Variants in CYP4F22 observed in about 807,000 individuals in gnomAD.
The protein encoded by CYP4F22 is cytochrome P450 family 4 subfamily F member 22.
CYP4F22 carries 37 observed loss-of-function variants against 60.4 expected under a neutral mutation model. That is an observed-to-expected ratio of 0.61 (90% CI 0.47 to 0.81). The LOEUF (loss-of-function observed/expected upper bound fraction) is 0.81, where lower values mean the gene tolerates loss of function less well. Among genes scored for constraint, CYP4F22 ranks in the 30% least tolerant of loss-of-function variants. The probability of loss-of-function intolerance (pLI) is 0.00; values close to 1 mark genes in which losing one functional copy is unlikely to be tolerated. For synonymous variants in CYP4F22, 258 were observed against 280.5 expected (o/e 0.92, Z 0.80); for missense variants, 655 against 715.0 (o/e 0.92, Z 0.96).
intron 8 of CYP4F22, among the ~76,000 whole-genome samples, chr19:15,541,948 T>G (rs1173749226): frequency 6.6e-6 from 1 of 152,130 alleles, no homozygotes; most frequent in Admixed American, 6.5e-5. Flanking sequence ...TTGGTGTGTC[T>G]GTGGACCTTT....
At chr19:15,539,460 C>T (rs1971434358) in intron 7 of CYP4F22, among the ~76,000 whole-genome samples, 2 of 152,222 alleles carry the variant, frequency 1.3e-5, no homozygotes, top group Non-Finnish European at 2.9e-5. Context: ...ACTGTTTCCA[C>T]TTTTCGACCT....
At chr19:15,513,610 C>T (rs558992345) in intron 1 of CYP4F22, among the ~76,000 whole-genome samples, 13 of 152,058 alleles carry the variant, frequency 8.5e-5, no homozygotes, top group African/African-American at 2.7e-4. Flanking sequence ...GTGATCTGCC[C>T]GCCTCGGCCT....
At chr19:15,524,689 A>AGAAG (rs1468031817) in intron 2 of CYP4F22, among the ~76,000 whole-genome samples, 8 of 151,324 alleles carry the variant, frequency 5.3e-5, no homozygotes, top group Admixed American at 3.3e-4. Context: ...AGAGAAAGAA[A>AGAAG]GAAAGAAAGA....
intron 3 of CYP4F22, among the ~76,000 whole-genome samples, chr19:15,528,788 A>T (rs567067335): frequency 2.8e-4 from 43 of 152,292 alleles, no homozygotes; most frequent in African/African-American, 9.4e-4. Flanking sequence ...TACTGATCAA[A>T]TATGCCAGTA....
rs1003441748 is a variant in CYP4F22, at chr19:15,531,338, C to A, written c.367+1485C>A. On this transcript the variant is annotated intron_variant, in intron 4 of 13. Coordinates refer to ENST00000269703, the MANE Select transcript of CYP4F22 (RefSeq NM_173483.4). ...GAGGCTGCAGTGAGCTATGATTGCA[C>A]CACTGCTGTACTCCAGCCTGGGTGA... is the stretch of plus-strand genomic sequence containing the variant. Among the ~76,000 whole-genome samples, 3 of 150,940 alleles carry A rather than the reference C, an allele frequency of 2.0e-5. No individual in the cohort carries two copies. The East Asian group carries it at 5.9e-4, about 29-fold the overall frequency.
chr19:15,518,775 A>G (rs1331181170), intron 1 of CYP4F22, among the ~76,000 whole-genome samples: 1 of 151,082 alleles, frequency 6.6e-6, no homozygotes, highest in African/African-American at 2.4e-5. Context: ...AATTTTGAGC[A>G]GGGAAGGTTC....
intron 1 of CYP4F22, chr19:15,516,744 C>A: frequency 3.2e-6 from 2 of 629,118 alleles, no homozygotes; most frequent in Non-Finnish European, 2.6e-6. Context: ...TTGTATTCAA[C>A]CTGGAATCCC....
At chr19:15,518,670 GAAACA>G (rs1568354226) in intron 1 of CYP4F22, among the ~76,000 whole-genome samples, 2 of 71,744 alleles carry the variant, frequency 2.8e-5, no homozygotes, top group African/African-American at 1.1e-4. Context: ...AAAAAAAAAA[GAAACA>G]AAACAAAACA....
intron 10 of CYP4F22, among the ~76,000 whole-genome samples, chr19:15,547,625 C>G (rs1199467145): frequency 1.3e-5 from 2 of 151,978 alleles, no homozygotes; most frequent in Non-Finnish European, 2.9e-5. Context: ...GCGTTTGAGA[C>G]CAGCCTGGCC....
intron 10 of CYP4F22, among the ~76,000 whole-genome samples, chr19:15,545,413 C>T (rs1356676743): frequency 2.6e-5 from 4 of 151,700 alleles, no homozygotes; most frequent in South Asian, 2.1e-4. Flanking sequence ...TTTGGGAGGC[C>T]GAGGGGGGTG....
At chr19:15,523,858 A>C (rs969720558) in intron 2 of CYP4F22, 59 bp downstream of exon 2, 1 of 152,216 alleles carries the variant, frequency 6.6e-6, no homozygotes, top group Non-Finnish European at 1.5e-5. Flanking sequence ...TAATAGCCAA[A>C]ATGTAGAAAC....
At position 15,549,318 on chromosome 19, in the gene CYP4F22, C is replaced by T; in HGVS notation, c.1335+116C>T. Reference sequence around the variant, plus strand: ...AGTGCGCACACCCCTCCCCACTCCGCATTTAGCCATTTATTCACCCACTGA... The same window carrying T: ...AGTGCGCACACCCCTCCCCACTCCGTATTTAGCCATTTATTCACCCACTGA... On this transcript the variant is annotated intron_variant, in intron 12 of 13. Transcript: ENST00000269703. 5.2e-6 allele frequency: 5 copies of T among 952,592 alleles called. No homozygotes were observed. In the South Asian group the frequency reaches 5.4e-5, roughly 10 times the overall value. 59.0% of individuals were successfully genotyped at this position (952,592 alleles called of 1,614,324 possible).
Position 15,551,685 on chromosome 19 carries a change from G to C in CYP4F22, c.*214G>C, listed in dbSNP as rs1375852834. 34 of 635,684 alleles carry C rather than the reference G, an allele frequency of 5.3e-5. No homozygotes were observed. In the South Asian group the frequency reaches 6.5e-4, roughly 12 times the overall value. The allele number at this position is 635,684 out of a possible 1,614,324, so 39.4% of individuals were successfully genotyped here. On this transcript the variant is annotated 3_prime_UTR_variant, in exon 14 of 14. Coordinates refer to ENST00000269703, the MANE Select transcript of CYP4F22 (RefSeq NM_173483.4). ...TAGGGGGCCTGATCCCGCCCCTTGAGGCTTAGGTCCCGCCCCCTGACTTCT... is the reference window on the plus strand; with the variant it reads ...TAGGGGGCCTGATCCCGCCCCTTGACGCTTAGGTCCCGCCCCCTGACTTCT...
At chr19:15,532,211 C>T (rs1224549297) in intron 4 of CYP4F22, among the ~76,000 whole-genome samples, 4 of 150,764 alleles carry the variant, frequency 2.7e-5, no homozygotes, top group Non-Finnish European at 3.0e-5. Flanking sequence ...CTTTCTTCTT[C>T]CTCCCTCTTC....
intron 1 of CYP4F22, chr19:15,516,507 C>T (rs1312666107): frequency 4.9e-6 from 1 of 205,904 alleles, no homozygotes; most frequent in African/African-American, 2.4e-5. Flanking sequence ...TTCAGGTGTG[C>T]TCTCGCCATT....
intron 11 of CYP4F22, 132 bp downstream of exon 11, chr19:15,548,373 G>A: frequency 2.1e-6 from 3 of 1,397,576 alleles, no homozygotes; most frequent in Non-Finnish European, 3.0e-6. Context: ...CTGTGTGCCT[G>A]TTGCTTCTGG....
At chr19:15,542,749 CT>C (rs1568362317) in intron 8 of CYP4F22, among the ~76,000 whole-genome samples, 1 of 152,070 alleles carries the variant, frequency 6.6e-6, no homozygotes, top group Non-Finnish European at 1.5e-5. Context: ...TGTTTCCCCC[CT>C]GTGTCCGTGT....
At chr19:15,513,361 A>ATTT (rs1216724764) in intron 1 of CYP4F22, among the ~76,000 whole-genome samples, 4 of 121,284 alleles carry the variant, frequency 3.3e-5, no homozygotes, top group Admixed American at 9.0e-5. Context: ...ATATATATAT[A>ATTT]TTTTTTTTTT....
At chr19:15,547,023 T>G (rs989556731) in intron 10 of CYP4F22, among the ~76,000 whole-genome samples, 2 of 139,882 alleles carry the variant, frequency 1.4e-5, no homozygotes, top group African/African-American at 5.4e-5. Context: ...CACCAGTTTT[T>G]TTTTTTTTTT....
Sources: allele counts gnomAD v4.1 joint callset (sites outside exome capture counted in the v4.1 genomes callset), GRCh38; gene constraint gnomAD v4.1.1; transcripts MANE v1.5; gene names NCBI Gene and HGNC (gene_info 2026-07-23, HGNC 2026-07-21).